KCNIP1: variants seen among roughly 807,000 people sequenced by gnomAD.
The protein encoded by KCNIP1 is potassium voltage-gated channel interacting protein 1.
KCNIP1 carries 18 observed loss-of-function variants against 33.0 expected under a neutral mutation model. The observed-to-expected ratio is 0.55, with a 90% CI of 0.38 to 0.81. KCNIP1 has a LOEUF of 0.81. Ranked by LOEUF, KCNIP1 falls within the 30% of genes least tolerant of loss-of-function variation. The probability of loss-of-function intolerance (pLI) is 0.00; values close to 1 mark genes in which losing one functional copy is unlikely to be tolerated. For missense variants in KCNIP1, 238 were observed against 271.6 expected (o/e 0.88, Z 0.87); for synonymous variants, 93 against 98.3 (o/e 0.95, Z 0.32).
chr5:170,412,524 G>A (rs1210572211), intron 1 of KCNIP1, among the ~76,000 whole-genome samples: 3 of 152,254 alleles, frequency 2.0e-5, no homozygotes, highest in African/African-American at 4.8e-5. Flanking sequence ...TATTTAAAAC[G>A]TGCAAACCCT....
chr5:170,450,665 T>C (rs1173693373), intron 1 of KCNIP1, among the ~76,000 whole-genome samples: 1 of 152,088 alleles, frequency 6.6e-6, no homozygotes, highest in Non-Finnish European at 1.5e-5. Flanking sequence ...GAATTAAAGA[T>C]TTGACCCAGT....
At chr5:170,480,477 T>C (rs1011076393) in intron 1 of KCNIP1, among the ~76,000 whole-genome samples, 3 of 29,932 alleles carry the variant, frequency 1.0e-4, no homozygotes, top group Non-Finnish European at 4.4e-4. Flanking sequence ...AGACTAGGGA[T>C]TTTTTTTTTT....
At chr5:170,550,521 A>AATGATGATGATGGCG (rs1756578291) in intron 1 of KCNIP1, among the ~76,000 whole-genome samples, 1 of 144,388 alleles carries the variant, frequency 6.9e-6, no homozygotes, top group South Asian at 2.2e-4. Context: ...TGATGATGGC[A>AATGATGATGATGGCG]ATGATGATGA....
At chr5:170,445,106 C>A (rs1453722462) in intron 1 of KCNIP1, among the ~76,000 whole-genome samples, 4 of 152,204 alleles carry the variant, frequency 2.6e-5, no homozygotes, top group Non-Finnish European at 5.9e-5. Flanking sequence ...GGGTGATGAA[C>A]AAGGTACATG....
intron 1 of KCNIP1, among the ~76,000 whole-genome samples, chr5:170,618,328 T>C (rs1490217561): frequency 6.6e-6 from 1 of 151,092 alleles, no homozygotes; most frequent in Non-Finnish European, 1.5e-5. Context: ...TGCAAAGTCA[T>C]GTCCCCCATG....
At chr5:170,693,564 TG>T (rs1762797056) in intron 1 of KCNIP1, among the ~76,000 whole-genome samples, 1 of 152,286 alleles carries the variant, frequency 6.6e-6, no homozygotes, top group South Asian at 2.1e-4. Context: ...TCAAACTCCC[TG>T]GGTATAGGAC....
intron 1 of KCNIP1, among the ~76,000 whole-genome samples, chr5:170,369,552 C>T (rs886409085): frequency 6.6e-6 from 1 of 152,236 alleles, no homozygotes; most frequent in African/African-American, 2.4e-5. Context: ...GGTATCCATA[C>T]CTCCAGGCCC....
chr5:170,459,121 C>T (rs550361781), intron 1 of KCNIP1, among the ~76,000 whole-genome samples: 8 of 152,078 alleles, frequency 5.3e-5, no homozygotes, highest in African/African-American at 1.9e-4. Context: ...TGATAAAAGG[C>T]CTTGACCAAC....
chr5:170,370,940 G>C (rs898919440), intron 1 of KCNIP1, among the ~76,000 whole-genome samples: 2 of 152,224 alleles, frequency 1.3e-5, no homozygotes, highest in African/African-American at 4.8e-5. Flanking sequence ...TTTAGTTAAC[G>C]ATAGTAAAAG....
At chr5:170,553,552 T>C (rs996583050) in intron 1 of KCNIP1, among the ~76,000 whole-genome samples, 1 of 152,184 alleles carries the variant, frequency 6.6e-6, no homozygotes, top group Admixed American at 6.5e-5. Flanking sequence ...GCTGGCACAG[T>C]GGAAAGAGCT....
intron 1 of KCNIP1, among the ~76,000 whole-genome samples, chr5:170,591,113 G>C (rs538484975): frequency 6.6e-6 from 1 of 152,342 alleles, no homozygotes; most frequent in Non-Finnish European, 1.5e-5. Context: ...AGCTCCTCCA[G>C]ACAATGTTCT....
intron 1 of KCNIP1, among the ~76,000 whole-genome samples, chr5:170,684,757 C>T (rs531049752): frequency 6.6e-6 from 1 of 152,174 alleles, no homozygotes; most frequent in African/African-American, 2.4e-5. Context: ...TGTTCCTCTG[C>T]AACCTGAGCC....
intron 1 of KCNIP1, among the ~76,000 whole-genome samples, chr5:170,511,141 G>A (rs1312227727): frequency 6.6e-6 from 1 of 152,192 alleles, no homozygotes; most frequent in Non-Finnish European, 1.5e-5. Flanking sequence ...CCGAGGAGAC[G>A]GAGGTTGCAG....
chr5:170,579,294 T>A (rs992522732), intron 1 of KCNIP1, among the ~76,000 whole-genome samples: 2 of 152,320 alleles, frequency 1.3e-5, no homozygotes, highest in East Asian at 3.9e-4. Flanking sequence ...TGGTTTAGAA[T>A]ATAGCATTTA....
At chr5:170,642,544 C>T (rs191607184) in intron 1 of KCNIP1, among the ~76,000 whole-genome samples, 4 of 152,318 alleles carry the variant, frequency 2.6e-5, no homozygotes, top group East Asian at 3.9e-4. Context: ...TTCGAAACAT[C>T]GTCACCATCG....
intron 1 of KCNIP1, among the ~76,000 whole-genome samples, chr5:170,425,509 A>G (rs1352564326): frequency 1.3e-5 from 2 of 152,080 alleles, no homozygotes; most frequent in Admixed American, 6.5e-5. Flanking sequence ...GGTTCCCTGT[A>G]TTCATAGGAA....
chr5:170,504,610 C>T lies in KCNIP1; in HGVS notation c.38C>T (p.Thr13Ile). The T allele has an allele frequency of 6.2e-7, 1 of 1,613,872 alleles. No homozygotes were observed. The highest frequency in any genetic ancestry group is 8.5e-7 in the Non-Finnish European group (1 of 1,179,968). The change falls in exon 1 of 8, where the codon ACC becomes ATC. Residue 13 changes from threonine to isoleucine, a missense_variant. By Grantham distance (89) the Thr-to-Ile change is moderately conservative. Transcript: ENST00000328939. The surrounding 1 kb of genome is among the most constrained non-coding windows in gnomAD (Gnocchi z 6.0). ...ATGGGCACCTTCTCATCTCTGCAAA[C>T]CAAACAAAGGCGACCCTCGAAAGGT... ...AVMGTFSSLQTKQRRPSKDKI... is the reference protein window; with the variant it reads ...AVMGTFSSLQIKQRRPSKDKI...
chr5:170,624,312 T>A (rs1561724615), intron 1 of KCNIP1, among the ~76,000 whole-genome samples: 1 of 152,004 alleles, frequency 6.6e-6, no homozygotes, highest in Non-Finnish European at 1.5e-5. Context: ...AAAGGAACAG[T>A]CTCTGATCTT....
intron 1 of KCNIP1, among the ~76,000 whole-genome samples, chr5:170,673,490 C>T (rs1762001197): frequency 6.6e-6 from 1 of 152,188 alleles, no homozygotes; most frequent in East Asian, 1.9e-4. Context: ...AAACTTGAAG[C>T]TTAGCGAGCT....
Sources: gnomAD v4.1 joint callset for allele counts (sites outside exome capture counted in the v4.1 genomes callset) on GRCh38, gnomAD v4.1.1 for gene constraint, Gnocchi (gnomAD v3.1) non-coding constraint, MANE v1.5 for transcripts, NCBI Gene and HGNC (gene_info 2026-07-23, HGNC 2026-07-21) for gene names.